GRID2IP: variants seen among roughly 807,000 people sequenced by gnomAD.
The protein encoded by GRID2IP is delphilin.
Under a neutral mutation model 114.3 loss-of-function variants are expected in GRID2IP, and 78 were observed. The observed-to-expected ratio is 0.68, with a 90% CI of 0.57 to 0.82. GRID2IP has a LOEUF of 0.82. Among genes scored for constraint, GRID2IP ranks in the 40% least tolerant of loss-of-function variants. GRID2IP has a pLI of 0.00. For synonymous variants in GRID2IP, 809 were observed against 724.0 expected, an observed-to-expected ratio of 1.12 and a Z score of -1.89; for missense variants, 1,727 against 1,678.5, an observed-to-expected ratio of 1.03 and a Z score of -0.51.
chr7:6,540,970 G>A (rs1583353709), intron 1 of GRID2IP, among the ~76,000 whole-genome samples: 1 of 152,080 alleles, frequency 6.6e-6, no homozygotes, highest in Non-Finnish European at 1.5e-5. Flanking sequence ...CCGAGTAGCT[G>A]GGACCACAAG....
intron 7 of GRID2IP, among the ~76,000 whole-genome samples, chr7:6,514,905 T>G (rs1262330961): frequency 1.4e-5 from 2 of 145,292 alleles, no homozygotes; most frequent in African/African-American, 5.2e-5. Context: ...TGAGCTGAGA[T>G]CGTGTCACTG....
intron 7 of GRID2IP, among the ~76,000 whole-genome samples, chr7:6,517,348 C>T (rs767241446): frequency 7.2e-5 from 11 of 152,028 alleles, no homozygotes; most frequent in Admixed American, 2.0e-4. Context: ...TGAGCCACCG[C>T]GCCCAGCCGT....
chr7:6,508,461 G>A lies in GRID2IP; in HGVS notation c.2128-60C>T, dbSNP rs1222514268. 2.6e-6 allele frequency: 4 copies of A among 1,546,886 alleles called. No homozygotes were observed. The highest frequency in any genetic ancestry group is 2.4e-5 in the East Asian group (1 of 40,916). ...GCTGGGCCCAGAGAGACTAGAGCAGGTGCAAAGTGAAGGATCATGGGATAG... is the reference window on the plus strand; with the variant it reads ...GCTGGGCCCAGAGAGACTAGAGCAGATGCAAAGTGAAGGATCATGGGATAG... On this transcript the variant is annotated intron_variant, in intron 12 of 21. Transcript: ENST00000457091. This position sits in a 1 kb window ranked among gnomAD's most constrained non-coding sequence, Gnocchi z 5.6.
chr7:6,510,880 C>T (rs754701549), intron 9 of GRID2IP, 28 bp downstream of exon 9: 86 of 1,548,478 alleles, frequency 5.6e-5, no homozygotes, highest in Non-Finnish European at 6.4e-5. Context: ...GAGCTCCATT[C>T]ATACCCTCCC....
In GRID2IP at chr7:6,510,995, C is replaced by G. The variant is rs944728316; in HGVS notation, c.1468G>C (p.Glu490Gln). 1 of 1,524,478 alleles carries G rather than the reference C, an allele frequency of 6.6e-7. No individual in the cohort carries two copies. The highest frequency in any genetic ancestry group is 2.2e-5 in the Admixed American group (1 of 45,394). 94.4% of individuals were successfully genotyped at this position (1,524,478 alleles called of 1,614,324 possible). A position where few individuals can be genotyped will look rare whatever the true frequency, so the allele number is the denominator to read the frequency against. ...ELDLESEPTP[E>Q]PQPRSSLRAS... Reference sequence around the variant, plus strand: ...CGCAGGGAGCTCCGCGGCTGGGGCTCAGGCGTGGGCTCGGACTCCAGGTCC... The same window carrying G: ...CGCAGGGAGCTCCGCGGCTGGGGCTGAGGCGTGGGCTCGGACTCCAGGTCC... Residue 490 changes from glutamate (E) to glutamine (Q), a missense_variant, in exon 9 of 22, where the codon GAG (glutamate) becomes CAG (glutamine). Glu to Gln is a conservative substitution (Grantham distance 29). Transcript: ENST00000457091.
intron 21 of GRID2IP, 88 bp from the exon 22 acceptor site, chr7:6,497,933 A>G: frequency 7.1e-7 from 1 of 1,405,600 alleles, no homozygotes; most frequent in Non-Finnish European, 9.7e-7. Flanking sequence ...TAGACAGCCC[A>G]TCAGGGGGTT....
Position 6,526,203 on chromosome 7 carries a change from G to C in GRID2IP, c.919+21C>G. ...CATCCTGGGCCTTAGGGACTCTTAGGGCAACCGGCCCACCCCTCACCAGGC... is the reference window on the plus strand; with the variant it reads ...CATCCTGGGCCTTAGGGACTCTTAGCGCAACCGGCCCACCCCTCACCAGGC... On this transcript the variant is annotated intron_variant, in intron 4 of 21. Transcript: ENST00000457091. The surrounding 1 kb of genome is among the most constrained non-coding windows in gnomAD (Gnocchi z 7.6). 1 of 1,548,102 alleles carries C rather than the reference G, an allele frequency of 6.5e-7. No homozygotes were observed. Among genetic ancestry groups the C allele is most frequent in the African/African-American group, 1.4e-5 (1 of 73,084 alleles).
At chr7:6,538,193 C>A (rs1035396708) in intron 2 of GRID2IP, among the ~76,000 whole-genome samples, 2 of 151,972 alleles carry the variant, frequency 1.3e-5, no homozygotes, top group African/African-American at 4.8e-5. Context: ...ATGGCGAAAC[C>A]TCATCTCTAA....
intron 14 of GRID2IP, among the ~76,000 whole-genome samples, chr7:6,505,255 C>G (rs2881699): frequency 0.24 from 36,518 of 151,804 alleles, 4,553 homozygotes; most frequent in African/African-American, 0.3. Context: ...TGTGCTTCCT[C>G]ATTAGGAAGT....
intron 4 of GRID2IP, 45 bp from the exon 5 acceptor site, chr7:6,522,002 C>G (rs1779421778): frequency 6.9e-7 from 1 of 1,445,910 alleles, no homozygotes; most frequent in Non-Finnish European, 9.5e-7. Flanking sequence ...GGGCAGGGTA[C>G]CACTTTGAGA....
At position 6,532,957 on chromosome 7, in the gene GRID2IP, C is replaced by T; in HGVS notation, c.585-6188G>A. Among the ~76,000 whole-genome samples, 1 of 152,220 alleles carries T rather than the reference C, an allele frequency of 6.6e-6. No homozygotes were observed. Among genetic ancestry groups the T allele is most frequent in the East Asian group, 1.9e-4 (1 of 5,200 alleles). On this transcript the variant is annotated intron_variant, in intron 2 of 21. Transcript: ENST00000457091. The surrounding 1 kb of genome is among the most constrained non-coding windows in gnomAD (Gnocchi z 4.4). ...TGGTCACCCAGTCACTAGGTGATCA[C>T]CAGGGGACAGGCAACAGCCGGACTT... is the stretch of plus-strand genomic sequence containing the variant.
At chr7:6,531,822 G>T (rs1003308683) in intron 2 of GRID2IP, among the ~76,000 whole-genome samples, 6 of 152,188 alleles carry the variant, frequency 3.9e-5, no homozygotes, top group African/African-American at 1.4e-4. Flanking sequence ...ACCAGGAGAG[G>T]GCTGATGCTG....
chr7:6,531,122 C>A, intron 2 of GRID2IP: 1 of 527,640 alleles, frequency 1.9e-6, no homozygotes, highest in Non-Finnish European at 3.4e-6. Flanking sequence ...GGGACCGCGG[C>A]GCGGCAGGTG....
chr7:6,504,730 T>A (rs113686722), intron 15 of GRID2IP, 63 bp downstream of exon 15: 34,720 of 1,294,680 alleles, frequency 0.027, 615 homozygotes, highest in Middle Eastern at 0.04. Context: ...TGGGCAGGTC[T>A]GAGGCCCAGA....
rs1318049215 is a variant in GRID2IP, at chr7:6,506,776, G to A, written c.2545-869C>T. On this transcript the variant is annotated intron_variant, in intron 13 of 21. Coordinates refer to ENST00000457091, the MANE Select transcript of GRID2IP (RefSeq NM_001145118.2). The surrounding 1 kb of genome is among the most constrained non-coding windows in gnomAD (Gnocchi z 5.2). ...GGCTCACTGCAACCTCCACCTGTGG[G>A]AATCAAGTGATTCTCCCTCTTCAGC... 6.6e-6 allele frequency among the ~76,000 whole-genome samples: 1 copy of A among 151,694 alleles called. No individual in the cohort carries two copies. Among genetic ancestry groups the A allele is most frequent in the African/African-American group, 2.4e-5 (1 of 41,250 alleles).
Position 6,526,538 on chromosome 7 carries a change from G to C in GRID2IP, c.816C>G (p.Gly272=). The C allele has an allele frequency of 8.2e-7, 1 of 1,226,910 alleles. No individual in the cohort carries two copies. The allele number at this position is 1,226,910 out of a possible 1,614,324, so 76.0% of individuals were successfully genotyped here. ...CCGCGTACCTGCGCGCGCCCCCGGG[G>C]CCGGCGAGGCCGCCCACCAGCAAGG... ...RASLLVGGLA[G]PGGARRTVRV... The change falls in exon 3 of 22, where the codon GGC becomes GGG. Residue 272 remains glycine, a synonymous_variant. Transcript: ENST00000457091. The surrounding 1 kb of genome is among the most constrained non-coding windows in gnomAD (Gnocchi z 7.6).
In GRID2IP at chr7:6,498,214, C is replaced by T. The variant is rs775946319; in HGVS notation, c.3414G>A (p.Thr1138=). The T allele has an allele frequency of 3.6e-5, 55 of 1,545,878 alleles. No individual in the cohort carries two copies. The highest frequency in any genetic ancestry group is 3.4e-4 in the South Asian group (28 of 83,382). The change falls in exon 21 of 22, where the codon ACG becomes ACA. Residue 1138 remains threonine, a synonymous_variant. Transcript: ENST00000457091. ...CGAGCGCCCGAAGTGCTGGCTGGGC[C>T]GTCTCCAGGAAGGACTGACAGGCCT... The part of the protein sequence containing the change: ...FAMVMSSFLE[T]AQPALRALDG...
chr7:6,504,953 A>T, intron 14 of GRID2IP, 83 bp from the exon 15 acceptor site: 1 of 1,061,526 alleles, frequency 9.4e-7, no homozygotes. Flanking sequence ...GTCACAGCCA[A>T]CAGCCACTAT....
At position 6,532,205 on chromosome 7, in the gene GRID2IP, A is replaced by G. The variant is rs754457521; in HGVS notation, c.585-5436T>C. ...ACTGCCTCTGGAGAGGCCCAGAATC[A>G]GGCCTGAGGAACAAATGAGAGTTGG... On this transcript the variant is annotated intron_variant, in intron 2 of 21. Coordinates refer to ENST00000457091, the MANE Select transcript of GRID2IP (RefSeq NM_001145118.2). This position sits in a 1 kb window ranked among gnomAD's most constrained non-coding sequence, Gnocchi z 4.4. 6.6e-6 allele frequency among the ~76,000 whole-genome samples: 1 copy of G among 152,094 alleles called. No homozygotes were observed. The highest frequency in any genetic ancestry group is 1.5e-5 in the Non-Finnish European group (1 of 67,992).
Sources: gnomAD v4.1 joint callset for allele counts (sites outside exome capture counted in the v4.1 genomes callset) on GRCh38, gnomAD v4.1.1 for gene constraint, Gnocchi (gnomAD v3.1) non-coding constraint, MANE v1.5 for transcripts, NCBI Gene and HGNC (gene_info 2026-07-23, HGNC 2026-07-21) for gene names.